Variants in SNX25 observed in about 807,000 individuals in gnomAD.
SNX25 encodes sorting nexin 25.
A neutral mutation model predicts 113.7 loss-of-function variants in SNX25; 62 were observed. The observed-to-expected ratio is 0.55, with a 90% CI of 0.44 to 0.67. The LOEUF is 0.67. Among genes scored for constraint, SNX25 ranks in the 30% least tolerant of loss-of-function variants. SNX25 has a pLI of 0.00. For synonymous variants in SNX25, 421 were observed against 436.2 expected (o/e 0.97, Z 0.43); for missense variants, 1,014 against 1,161.0 (o/e 0.87, Z 1.84).
chr4:185,322,118 A>G (rs2095124948), intron 8 of SNX25, among the ~76,000 whole-genome samples: 1 of 152,186 alleles, frequency 6.6e-6, no homozygotes, highest in African/African-American at 2.4e-5. Context: ...AGTATATACT[A>G]TTGTAAGAGG....
At chr4:185,224,631 GTA>G (rs1252319773) in intron 1 of SNX25, among the ~76,000 whole-genome samples, 1 of 143,736 alleles carries the variant, frequency 7.0e-6, no homozygotes, top group Non-Finnish European at 1.5e-5. Flanking sequence ...ATTTATATAA[GTA>G]TATATAGATA....
At chr4:185,236,572 TAA>T (rs1387072510) in intron 1 of SNX25, among the ~76,000 whole-genome samples, 7 of 152,226 alleles carry the variant, frequency 4.6e-5, no homozygotes, top group African/African-American at 1.4e-4. Context: ...AAATATAGAA[TAA>T]GAGAATAAAT....
At chr4:185,308,430 T>C (rs1273016137) in intron 6 of SNX25, among the ~76,000 whole-genome samples, 1 of 152,184 alleles carries the variant, frequency 6.6e-6, no homozygotes, top group South Asian at 2.1e-4. Flanking sequence ...TGGGGGTCCC[T>C]AGTGATCTTG....
intron 7 of SNX25, among the ~76,000 whole-genome samples, chr4:185,316,608 G>A (rs2095076390): frequency 6.6e-6 from 1 of 152,208 alleles, no homozygotes; most frequent in African/African-American, 2.4e-5. Flanking sequence ...AGGAGTACAT[G>A]GAGTTTGGAA....
At chr4:185,319,884 A>T (rs1462612333) in intron 7 of SNX25, among the ~76,000 whole-genome samples, 1 of 152,218 alleles carries the variant, frequency 6.6e-6, no homozygotes, top group Non-Finnish European at 1.5e-5. Context: ...TCAGCTCAGC[A>T]TCACTGATCA....
intron 9 of SNX25, among the ~76,000 whole-genome samples, chr4:185,324,917 G>GT (rs2095145698): frequency 6.6e-6 from 1 of 152,144 alleles, no homozygotes; most frequent in Non-Finnish European, 1.5e-5. Context: ...TTTTTGGGTA[G>GT]TTGCTGTGAA....
intron 1 of SNX25, among the ~76,000 whole-genome samples, chr4:185,220,406 A>G (rs1739601618): frequency 6.6e-6 from 1 of 151,098 alleles, no homozygotes; most frequent in Non-Finnish European, 1.5e-5. Context: ...AGCATTAGGT[A>G]TATCTCCTAA....
intron 9 of SNX25, among the ~76,000 whole-genome samples, chr4:185,328,292 A>G (rs1263601108): frequency 2.6e-5 from 4 of 152,162 alleles, no homozygotes; most frequent in African/African-American, 9.7e-5. Flanking sequence ...ACAGATTTTG[A>G]GAGGTACTTA....
chr4:185,360,355 G>A (rs528590305), intron 16 of SNX25, among the ~76,000 whole-genome samples: 6 of 152,284 alleles, frequency 3.9e-5, no homozygotes, highest in Non-Finnish European at 5.9e-5. Context: ...AGCAGTGACC[G>A]ACTACTATGT....
chr4:185,263,624 T>C (rs556745226), intron 3 of SNX25, among the ~76,000 whole-genome samples: 3 of 152,346 alleles, frequency 2.0e-5, no homozygotes, highest in Admixed American at 1.3e-4. Context: ...GGTACTAATA[T>C]GCACTAGTTT....
intron 15 of SNX25, among the ~76,000 whole-genome samples, chr4:185,355,378 A>G (rs1014249928): frequency 6.6e-6 from 1 of 152,248 alleles, no homozygotes; most frequent in Non-Finnish European, 1.5e-5. Context: ...GTCATCAAAC[A>G]CTTTGAGAGC....
intron 5 of SNX25, among the ~76,000 whole-genome samples, chr4:185,284,890 G>A (rs372792473): frequency 1.3e-5 from 2 of 152,156 alleles, no homozygotes; most frequent in East Asian, 1.9e-4. Context: ...AGGACCATCC[G>A]TGGGGCTTTG....
chr4:185,353,555 C>CTGAAA lies in SNX25; in HGVS notation c.2541_2542insATGAA (p.Pro848MetfsTer7). On this transcript the variant is annotated frameshift_variant, in exon 15 of 19. Coordinates refer to ENST00000652585, the MANE Select transcript of SNX25 (RefSeq NM_001378034.2). LOFTEE classifies it high-confidence loss of function. The stretch of plus-strand genomic sequence containing the variant: ...GTGGATGGGAGGAAAGACGCCTTGG[C>CTGAAA]TGAACCATGTTTCATGTTGATTGGG... The CTGAAA allele has an allele frequency of 1.2e-6, 2 of 1,614,142 alleles. No homozygotes were observed. Among genetic ancestry groups the CTGAAA allele is most frequent in the Non-Finnish European group, 1.7e-6 (2 of 1,180,020 alleles).
At chr4:185,253,694 C>T (rs535750568) in intron 2 of SNX25, among the ~76,000 whole-genome samples, 2 of 152,246 alleles carry the variant, frequency 1.3e-5, no homozygotes, top group East Asian at 3.9e-4. Context: ...TTCTTGAATT[C>T]CTGAGCTCAG....
At position 185,214,066 on chromosome 4, in the gene SNX25, T is replaced by C. The variant is rs927277546; in HGVS notation, c.429+3811T>C. On this transcript the variant is annotated intron_variant, in intron 1 of 18. Transcript: ENST00000652585. ...TAATTATTTCTCTCTCTCTTCTTTT[T>C]CCCCCAGTTCCCCACTTCCCCTTTA... Among the ~76,000 whole-genome samples, 11 of 152,054 alleles carry C rather than the reference T, an allele frequency of 7.2e-5. No individual in the cohort carries two copies. The East Asian group carries it at 2.1e-3, about 29-fold the overall frequency.
chr4:185,305,604 C>T (rs1014637387), intron 6 of SNX25, among the ~76,000 whole-genome samples: 3 of 152,156 alleles, frequency 2.0e-5, no homozygotes, highest in Non-Finnish European at 4.4e-5. Flanking sequence ...AGAATTATAT[C>T]ATGGGCAGGG....
At chr4:185,253,291 C>T (rs1745929951) in intron 2 of SNX25, among the ~76,000 whole-genome samples, 1 of 152,014 alleles carries the variant, frequency 6.6e-6, no homozygotes, top group Non-Finnish European at 1.5e-5. Context: ...GGATGCTGAC[C>T]TCAGAGTGTC....
rs117172825 is a variant in SNX25, at chr4:185,271,883, C to T, written c.1091+4728C>T. On this transcript the variant is annotated intron_variant, in intron 5 of 18. Coordinates refer to ENST00000652585, the MANE Select transcript of SNX25 (RefSeq NM_001378034.2). ...AGTTCTGGAATAGTTTGGTTATTTTCTGAATCAGCATGAAGTGCTTTCACA... is the reference window on the plus strand; with the variant it reads ...AGTTCTGGAATAGTTTGGTTATTTTTTGAATCAGCATGAAGTGCTTTCACA... Among the ~76,000 whole-genome samples, 433 of 152,340 alleles carry T rather than the reference C, an allele frequency of 2.8e-3. 13 individuals carry two copies. The South Asian group carries it at 0.055, about 19-fold the overall frequency.
chr4:185,284,143 T>C (rs575322226), intron 5 of SNX25, among the ~76,000 whole-genome samples: 22 of 152,324 alleles, frequency 1.4e-4, no homozygotes, highest in African/African-American at 5.3e-4. Flanking sequence ...TTTAAGAGAC[T>C]CTTGATCTAG....
Sources: allele counts gnomAD v4.1 joint callset (sites outside exome capture counted in the v4.1 genomes callset), GRCh38; gene constraint gnomAD v4.1.1; transcripts MANE v1.5; gene names NCBI Gene and HGNC (gene_info 2026-07-23, HGNC 2026-07-21).